The following NOS1 variants were observed in gnomAD, a reference collection of about 807,000 sequenced individuals.
NOS1 encodes the protein nitric oxide synthase 1.
Under a neutral mutation model 164.5 loss-of-function variants are expected in NOS1, and 51 were observed. The observed-to-expected ratio is 0.31, with a 90% confidence interval of 0.25 to 0.39. The LOEUF is 0.39. NOS1 is among the 10% of genes least tolerant of loss of function. The pLI is 1.00. For missense variants in NOS1, 1,362 were observed against 1,885.6 expected, an observed-to-expected ratio of 0.72 and a Z score of 5.14; for synonymous variants, 719 against 745.8, an observed-to-expected ratio of 0.96 and a Z score of 0.59.
chr12:117,332,296 C>T (rs374138414), intron 1 of NOS1, among the ~76,000 whole-genome samples: 10 of 152,266 alleles, frequency 6.6e-5, no homozygotes, highest in African/African-American at 1.2e-4. Flanking sequence ...TTGATCCTCA[C>T]GATAACCCCT....
chr12:117,287,971 G>C, intron 5 of NOS1, 103 bp downstream of exon 5: 1 of 1,293,536 alleles, frequency 7.7e-7, no homozygotes, highest in South Asian at 1.3e-5. Flanking sequence ...GTGTATGGCA[G>C]AGGCCTTGTG....
chr12:117,211,247 C>G lies in NOS1; in HGVS notation c.*4062G>C. On this transcript the variant is annotated 3_prime_UTR_variant, in exon 29 of 29. Transcript: ENST00000317775. ...TGCTGGGATTACAGACATGAGCTAC[C>G]GCGCCCAGCCTGCAAGATGCTTTAA... 1 of 985,344 alleles carries G rather than the reference C, an allele frequency of 1.0e-6. No individual in the cohort carries two copies. The highest frequency in any genetic ancestry group is 1.2e-6 in the Non-Finnish European group (1 of 829,932). 61.0% of individuals were successfully genotyped at this position (985,344 alleles called of 1,614,324 possible). A position where few individuals can be genotyped will look rare whatever the true frequency, so the allele number is the denominator to read the frequency against.
At chr12:117,251,706 T>C (rs1871113403) in intron 17 of NOS1, among the ~76,000 whole-genome samples, 1 of 149,342 alleles carries the variant, frequency 6.7e-6, no homozygotes, top group Non-Finnish European at 1.5e-5. Context: ...GCTGGGATGG[T>C]AGGTGTGAGC....
At chr12:117,277,938 C>T (rs746111824) in intron 9 of NOS1, 21 bp downstream of exon 9, 35 of 1,603,816 alleles carry the variant, frequency 2.2e-5, no homozygotes, top group Admixed American at 6.7e-5. Context: ...CCCTCTCCCA[C>T]CCCTTGCCAG....
rs1318975579 is a variant in NOS1, at chr12:117,330,929, A to T, written c.141T>A (p.Ile47=). 3.1e-6 allele frequency: 5 copies of T among 1,614,000 alleles called. No individual in the cohort carries two copies. The highest frequency in any genetic ancestry group is 4.2e-6 in the Non-Finnish European group (5 of 1,180,026). Residue 47 remains isoleucine (I), a synonymous_variant, in exon 2 of 29, where the codon ATT becomes ATA. Coordinates refer to ENST00000317775, the MANE Select transcript of NOS1 (RefSeq NM_000620.5). The surrounding 1 kb of genome is among the most constrained non-coding windows in gnomAD (Gnocchi z 4.6). ...CACTCTGCTCTGCGGCGCCCCCACGAATCAGGTCAGAGATGATCACGGGCG... is the reference window on the plus strand; with the variant it reads ...CACTCTGCTCTGCGGCGCCCCCACGTATCAGGTCAGAGATGATCACGGGCG... ...SKPPVIISDL[I]RGGAAEQSGL...
intron 2 of NOS1, among the ~76,000 whole-genome samples, chr12:117,318,043 C>A (rs765373338): frequency 1.1e-4 from 17 of 152,092 alleles, no homozygotes; most frequent in African/African-American, 4.1e-4. Context: ...GTGGTGGCAC[C>A]TGCCTATAGT....
intron 1 of NOS1, among the ~76,000 whole-genome samples, chr12:117,338,272 A>G (rs903351103): frequency 1.3e-4 from 20 of 151,864 alleles, no homozygotes; most frequent in African/African-American, 4.6e-4. Flanking sequence ...ATGGTGACAC[A>G]TGCCTGTAGT....
chr12:117,248,098 AAG>A (rs1397900674), intron 17 of NOS1, among the ~76,000 whole-genome samples: 2 of 152,018 alleles, frequency 1.3e-5, no homozygotes, highest in African/African-American at 4.8e-5. Flanking sequence ...GCAAGCCAGA[AAG>A]AGAGACCTCA....
At chr12:117,265,893 C>G (rs1872360780) in intron 11 of NOS1, among the ~76,000 whole-genome samples, 1 of 151,880 alleles carries the variant, frequency 6.6e-6, no homozygotes, top group Non-Finnish European at 1.5e-5. Context: ...CGGGTTCACA[C>G]CATTCTCCTG....
intron 1 of NOS1, among the ~76,000 whole-genome samples, chr12:117,355,829 G>A (rs556946838): frequency 9.9e-5 from 15 of 152,196 alleles, no homozygotes; most frequent in Non-Finnish European, 1.3e-4. Flanking sequence ...GCACAATCTC[G>A]GCTCACTGCA....
At chr12:117,233,303 C>T (rs535366637) in intron 21 of NOS1, among the ~76,000 whole-genome samples, 47 of 151,910 alleles carry the variant, frequency 3.1e-4, no homozygotes, top group Admixed American at 9.2e-4. Context: ...CCTGCCTCAG[C>T]CTCCCAAAGT....
chr12:117,281,430 G>C (rs938586108), intron 7 of NOS1, among the ~76,000 whole-genome samples: 3 of 142,902 alleles, frequency 2.1e-5, no homozygotes, highest in Non-Finnish European at 4.5e-5. Context: ...TGAGGCAGAA[G>C]AATCGCTTGA....
chr12:117,208,555 A>T lies in NOS1; in HGVS notation c.*6754T>A. ...CTGAGCCAGGAGTGTGAGTCTTAAC[A>T]ATCACAACGAGAACACAACAATGAA... On this transcript the variant is annotated 3_prime_UTR_variant, in exon 29 of 29. Coordinates refer to ENST00000317775, the MANE Select transcript of NOS1 (RefSeq NM_000620.5). 3.3e-6 allele frequency: 4 copies of T among 1,207,166 alleles called. No individual in the cohort carries two copies. In the South Asian group the frequency reaches 5.9e-5, roughly 18 times the overall value. The allele number at this position is 1,207,166 out of a possible 1,614,324, so 74.8% of individuals were successfully genotyped here.
At chr12:117,241,800 T>C (rs1236424018) in intron 20 of NOS1, among the ~76,000 whole-genome samples, 1 of 152,220 alleles carries the variant, frequency 6.6e-6, no homozygotes, top group Non-Finnish European at 1.5e-5. Context: ...CATTAGCGCG[T>C]CCTGTTCAAA....
chr12:117,359,194 CCGGGGCCCGCCGTGG>C (rs71444623), intron 1 of NOS1, among the ~76,000 whole-genome samples: 9,077 of 150,646 alleles, frequency 0.06, 325 homozygotes, highest in East Asian at 0.11. Context: ...TGGAAAGGGG[CCGGGGCCCGCCGTGG>C]CGGTGCTGGT....
At position 117,265,236 on chromosome 12, in the gene NOS1, G is replaced by C. The variant is rs1043432260; in HGVS notation, c.2136+80C>G. On this transcript the variant is annotated intron_variant, in intron 12 of 28. Transcript: ENST00000317775. ...TATTGAGTGTCCAGAGCACTAGCCTGGGTTGAAATGAGCCTAAATGTGACA... is the reference window on the plus strand; with the variant it reads ...TATTGAGTGTCCAGAGCACTAGCCTCGGTTGAAATGAGCCTAAATGTGACA... The C allele has an allele frequency of 4.6e-6, 6 of 1,310,820 alleles. No homozygotes were observed. The African/African-American group carries it at 7.3e-5, about 16-fold the overall frequency. The allele number at this position is 1,310,820 out of a possible 1,614,324, so 81.2% of individuals were successfully genotyped here.
chr12:117,355,799 A>G (rs1318714387), intron 1 of NOS1, among the ~76,000 whole-genome samples: 2 of 152,168 alleles, frequency 1.3e-5, no homozygotes, highest in African/African-American at 4.8e-5. Flanking sequence ...TGGCTCTGTT[A>G]CCCAGGATGG....
At chr12:117,267,373 A>T in intron 11 of NOS1, among the ~76,000 whole-genome samples, 1 of 152,120 alleles carries the variant, frequency 6.6e-6, no homozygotes, top group East Asian at 1.9e-4. Flanking sequence ...AATCACCTGA[A>T]GTCAGGAGTT....
At chr12:117,357,737 C>T (rs1876920667) in intron 1 of NOS1, among the ~76,000 whole-genome samples, 1 of 152,164 alleles carries the variant, frequency 6.6e-6, no homozygotes, top group Admixed American at 6.5e-5. Context: ...TTGCTTTTAA[C>T]CAGGGACTTG....
Sources: allele counts gnomAD v4.1 joint callset (sites outside exome capture counted in the v4.1 genomes callset), GRCh38; gene constraint gnomAD v4.1.1; non-coding constraint Gnocchi (gnomAD v3.1); transcripts MANE v1.5; gene names NCBI Gene and HGNC (gene_info 2026-07-23, HGNC 2026-07-21).